The following GRID2 variants were observed in gnomAD, a reference collection of about 807,000 sequenced individuals.
The protein encoded by GRID2 is glutamate receptor ionotropic, delta-2.
In GRID2, 33 loss-of-function variants were observed where a neutral mutation model predicts 114.8. The observed-to-expected ratio is 0.29, with a 90% CI of 0.22 to 0.38. The LOEUF (loss-of-function observed/expected upper bound fraction) is 0.38, where lower values mean the gene tolerates loss of function less well. GRID2 is among the 10% of genes least tolerant of loss of function. The pLI is 1.00. For missense variants in GRID2, 1,184 were observed against 1,257.7 expected (o/e 0.94, Z 0.89); for synonymous variants, 505 against 449.9 (o/e 1.12, Z -1.55).
At chr4:93,112,499 C>A (rs1005483940) in intron 4 of GRID2, among the ~76,000 whole-genome samples, 4 of 152,132 alleles carry the variant, frequency 2.6e-5, no homozygotes, top group African/African-American at 7.2e-5. Flanking sequence ...CTCTCTCCTG[C>A]CTCCTTGTGA....
chr4:93,621,238 C>A (rs1335196395), intron 13 of GRID2, among the ~76,000 whole-genome samples: 3 of 152,148 alleles, frequency 2.0e-5, no homozygotes, highest in Non-Finnish European at 2.9e-5. Flanking sequence ...CTATTGATAT[C>A]TCAGGCACTA....
intron 8 of GRID2, among the ~76,000 whole-genome samples, chr4:93,323,456 A>G (rs1444250697): frequency 6.6e-6 from 1 of 152,110 alleles, no homozygotes; most frequent in Non-Finnish European, 1.5e-5. Flanking sequence ...GTAGCCTTGT[A>G]GTATAGTTTG....
At chr4:93,668,354 T>A (rs1395078942) in intron 14 of GRID2, among the ~76,000 whole-genome samples, 1 of 147,394 alleles carries the variant, frequency 6.8e-6, no homozygotes, top group East Asian at 2.1e-4. Context: ...TTCTGTTATC[T>A]GATTTTCATA....
At chr4:92,848,799 C>T (rs1330131297) in intron 2 of GRID2, among the ~76,000 whole-genome samples, 4 of 151,848 alleles carry the variant, frequency 2.6e-5, no homozygotes, top group African/African-American at 7.2e-5. Context: ...TCTAATCTGA[C>T]TGGTGGTCTT....
chr4:92,603,335 G>A (rs1729310580), intron 2 of GRID2, among the ~76,000 whole-genome samples: 1 of 152,052 alleles, frequency 6.6e-6, no homozygotes, highest in Non-Finnish European at 1.5e-5. Context: ...GCATGGTACT[G>A]ACAGAAAACA....
In GRID2 at chr4:92,580,732, T is replaced by C. The variant is rs189656887; in HGVS notation, c.89-9399T>C. Among the ~76,000 whole-genome samples, 156 of 139,842 alleles carry C rather than the reference T, an allele frequency of 1.1e-3. No individual in the cohort carries two copies. In the East Asian group the frequency reaches 0.016, roughly 14 times the overall value. 91.7% of individuals were successfully genotyped at this position (139,842 alleles called of 152,430 possible). Reference sequence around the variant, plus strand: ...TACTTATAGTAGTATAGGCCAATTCTCACATTTTTTTTGTGGAAGTTGAAG... The same window carrying C: ...TACTTATAGTAGTATAGGCCAATTCCCACATTTTTTTTGTGGAAGTTGAAG... On this transcript the variant is annotated intron_variant, in intron 1 of 15. Transcript: ENST00000282020.
At chr4:92,647,728 G>T (rs1455453167) in intron 2 of GRID2, among the ~76,000 whole-genome samples, 3 of 149,480 alleles carry the variant, frequency 2.0e-5, no homozygotes, top group African/African-American at 5.0e-5. Context: ...AAAATAAAAA[G>T]AAATCTTATT....
intron 14 of GRID2, among the ~76,000 whole-genome samples, chr4:93,645,554 T>C (rs965919096): frequency 6.6e-6 from 1 of 152,172 alleles, no homozygotes; most frequent in African/African-American, 2.4e-5. Context: ...TGTCTCTTTT[T>C]TGCATTCCTA....
chr4:93,132,557 T>A (rs1239383405), intron 4 of GRID2, among the ~76,000 whole-genome samples: 1 of 152,140 alleles, frequency 6.6e-6, no homozygotes, highest in Non-Finnish European at 1.5e-5. Flanking sequence ...CCTGGGCCCT[T>A]AAGGGATGGA....
intron 1 of GRID2, among the ~76,000 whole-genome samples, chr4:92,367,368 G>A (rs1028690384): frequency 1.3e-5 from 2 of 152,050 alleles, no homozygotes; most frequent in African/African-American, 2.4e-5. Context: ...AAAAATCAAT[G>A]GATGGATGTT....
intron 2 of GRID2, among the ~76,000 whole-genome samples, chr4:92,920,327 G>A (rs1447861708): frequency 1.3e-5 from 2 of 152,066 alleles, no homozygotes; most frequent in Non-Finnish European, 2.9e-5. Context: ...TGTTTTAATT[G>A]GAGCATTTAT....
At chr4:93,607,523 C>A (rs748709111) in intron 13 of GRID2, among the ~76,000 whole-genome samples, 1 of 151,908 alleles carries the variant, frequency 6.6e-6, no homozygotes, top group Non-Finnish European at 1.5e-5. Context: ...TATTTTAATC[C>A]GAAATTTTTA....
At chr4:92,470,095 A>G (rs1241948546) in intron 1 of GRID2, among the ~76,000 whole-genome samples, 2 of 151,954 alleles carry the variant, frequency 1.3e-5, no homozygotes, top group African/African-American at 4.8e-5. Flanking sequence ...CATTTATAAA[A>G]ACAGGTGTGA....
intron 2 of GRID2, among the ~76,000 whole-genome samples, chr4:92,769,151 A>T (rs1738411568): frequency 6.6e-6 from 1 of 152,152 alleles, no homozygotes; most frequent in South Asian, 2.1e-4. Flanking sequence ...GCCATTCCAA[A>T]TGGGAGAAAT....
At chr4:93,727,695 T>G (rs1359549245) in intron 14 of GRID2, among the ~76,000 whole-genome samples, 1 of 152,254 alleles carries the variant, frequency 6.6e-6, no homozygotes, top group Non-Finnish European at 1.5e-5. Flanking sequence ...AGATTCAACT[T>G]CTTCCTGGTT....
At position 92,542,062 on chromosome 4, in the gene GRID2, C is replaced by G. The variant is rs181317394; in HGVS notation, c.89-48069C>G. On this transcript the variant is annotated intron_variant, in intron 1 of 15. Coordinates refer to ENST00000282020, the MANE Select transcript of GRID2 (RefSeq NM_001510.4). ...GAAAGGCCATATCACAATGTAATAA[C>G]TGTGGTTCTTAGGTCAAGAATATTT... Among the ~76,000 whole-genome samples, 33 of 152,104 alleles carry G rather than the reference C, an allele frequency of 2.2e-4. 1 individual carries two copies. Among genetic ancestry groups the G allele is most frequent in the African/African-American group, 7.0e-4 (29 of 41,506 alleles).
intron 2 of GRID2, among the ~76,000 whole-genome samples, chr4:92,717,180 G>A (rs1423034890): frequency 6.6e-6 from 1 of 152,092 alleles, no homozygotes; most frequent in Non-Finnish European, 1.5e-5. Context: ...CTTCTTTATG[G>A]ACACTTGAAA....
At chr4:93,596,294 T>TGA (rs1318000371) in intron 13 of GRID2, among the ~76,000 whole-genome samples, 1 of 152,206 alleles carries the variant, frequency 6.6e-6, no homozygotes, top group African/African-American at 2.4e-5. Flanking sequence ...AAAGGCTACT[T>TGA]GAGGGCTGGG....
At chr4:92,475,126 AATAAATAAT>A (rs1464594489) in intron 1 of GRID2, among the ~76,000 whole-genome samples, 19 of 122,308 alleles carry the variant, frequency 1.6e-4, no homozygotes, top group Non-Finnish European at 1.0e-4. Context: ...TAATAATAAT[AATAAATAAT>A]AATAATAATA....
Sources: allele counts gnomAD v4.1 joint callset (sites outside exome capture counted in the v4.1 genomes callset), GRCh38; gene constraint gnomAD v4.1.1; transcripts MANE v1.5; gene names NCBI Gene and HGNC (gene_info 2026-07-23, HGNC 2026-07-21).